The following STRBP variants were observed in gnomAD, a reference collection of about 807,000 sequenced individuals.
The protein encoded by STRBP is spermatid perinuclear RNA binding protein.
STRBP carries 13 observed loss-of-function variants against 80.1 expected under a neutral mutation model. That is an observed-to-expected ratio of 0.16 (90% CI 0.11 to 0.26). The LOEUF is 0.26. Ranked by LOEUF, STRBP falls within the 10% of genes least tolerant of loss-of-function variation. The probability of loss-of-function intolerance (pLI) is 1.00; values close to 1 mark genes in which losing one functional copy is unlikely to be tolerated. For missense variants in STRBP, 485 were observed against 815.2 expected, an observed-to-expected ratio of 0.59 and a Z score of 4.93; for synonymous variants, 284 against 291.2, an observed-to-expected ratio of 0.98 and a Z score of 0.25.
intron 17 of STRBP, among the ~76,000 whole-genome samples, chr9:123,129,201 C>CA (rs1179995535): frequency 1.3e-5 from 2 of 151,790 alleles, no homozygotes; most frequent in Non-Finnish European, 2.9e-5. Flanking sequence ...TACAGAAAAA[C>CA]AAAAAATTAG....
At chr9:123,230,649 T>C (rs769863068) in intron 2 of STRBP, among the ~76,000 whole-genome samples, 1 of 152,200 alleles carries the variant, frequency 6.6e-6, no homozygotes, top group African/African-American at 2.4e-5. Context: ...GTCTTTCATA[T>C]TTATTTTTCA....
At chr9:123,141,808 A>G (rs1484251968) in intron 13 of STRBP, among the ~76,000 whole-genome samples, 1 of 152,240 alleles carries the variant, frequency 6.6e-6, no homozygotes, top group African/African-American at 2.4e-5. Context: ...AGTGTAACCA[A>G]AAAATTCAAA....
chr9:123,182,876 G>A (rs2038538214), intron 3 of STRBP, among the ~76,000 whole-genome samples: 1 of 152,032 alleles, frequency 6.6e-6, no homozygotes, highest in Admixed American at 6.5e-5. Flanking sequence ...GCCAGATGTG[G>A]TGGCATGCGC....
chr9:123,258,206 C>T (rs1286836382), intron 1 of STRBP, among the ~76,000 whole-genome samples: 1 of 151,900 alleles, frequency 6.6e-6, no homozygotes, highest in Non-Finnish European at 1.5e-5. Context: ...AAAACAAAAC[C>T]AACAAAAATC....
chr9:123,216,040 G>A (rs1384454388), intron 2 of STRBP, among the ~76,000 whole-genome samples: 3 of 152,032 alleles, frequency 2.0e-5, no homozygotes, highest in Non-Finnish European at 4.4e-5. Context: ...TTTAACCCTT[G>A]GAATGAAATT....
At position 123,125,254 on chromosome 9, in the gene STRBP, G is replaced by C; in HGVS notation, c.*343C>G. 2.0e-6 allele frequency: 2 copies of C among 1,009,750 alleles called. No individual in the cohort carries two copies. The highest frequency in any genetic ancestry group is 8.9e-5 in the South Asian group (2 of 22,446). 62.5% of individuals were successfully genotyped at this position (1,009,750 alleles called of 1,614,324 possible). A position where few individuals can be genotyped will look rare whatever the true frequency, so the allele number is the denominator to read the frequency against. The stretch of plus-strand genomic sequence containing the variant: ...AGCAGTTTATTTGTGATCAGTGTTT[G>C]AGACTCTATACATCCTTCACAAATT... On this transcript the variant is annotated 3_prime_UTR_variant, in exon 19 of 19. Transcript: ENST00000348403.
At position 123,227,169 on chromosome 9, in the gene STRBP, A is replaced by G. The variant is rs535790821; in HGVS notation, c.-165+9661T>C. 4.6e-5 allele frequency among the ~76,000 whole-genome samples: 7 copies of G among 152,312 alleles called. No homozygotes were observed. The South Asian group carries it at 1.5e-3, about 32-fold the overall frequency. ...CCACGGCAATCATAAACATAAGTCA[A>G]TAATGTACTCAATCAATGTTAAATG... On this transcript the variant is annotated intron_variant, in intron 2 of 18. Coordinates refer to ENST00000348403, the MANE Select transcript of STRBP (RefSeq NM_018387.5).
chr9:123,188,050 G>A (rs2038772636), intron 2 of STRBP, among the ~76,000 whole-genome samples: 1 of 151,786 alleles, frequency 6.6e-6, no homozygotes, highest in Admixed American at 6.6e-5. Flanking sequence ...CAAGCCCTTA[G>A]TAACCACTAA....
chr9:123,158,937 T>A lies in STRBP; in HGVS notation c.835+159A>T, dbSNP rs76718726. 3.9e-5 allele frequency among the ~76,000 whole-genome samples: 6 copies of A among 152,310 alleles called. No individual in the cohort carries two copies. The East Asian group carries it at 9.6e-4, about 24-fold the overall frequency. On this transcript the variant is annotated intron_variant, in intron 9 of 18. Coordinates refer to ENST00000348403, the MANE Select transcript of STRBP (RefSeq NM_018387.5). ...TTATAATTATTGAAAAAGAGTTTTA[T>A]AGCACTTTTCCAACACGCATTCTAG...
chr9:123,188,138 C>A (rs956523182), intron 2 of STRBP, among the ~76,000 whole-genome samples: 1 of 152,042 alleles, frequency 6.6e-6, no homozygotes, highest in African/African-American at 2.4e-5. Context: ...CCTTTTGAGA[C>A]TAGCTTCTTT....
chr9:123,211,336 CTTCT>C (rs1416801676), intron 2 of STRBP, among the ~76,000 whole-genome samples: 8 of 151,988 alleles, frequency 5.3e-5, no homozygotes, highest in Admixed American at 3.9e-4. Context: ...AAAAGTATTC[CTTCT>C]AAGAATCCAT....
chr9:123,176,375 A>G (rs1449922545), intron 4 of STRBP, among the ~76,000 whole-genome samples: 2 of 152,218 alleles, frequency 1.3e-5, no homozygotes, highest in Non-Finnish European at 2.9e-5. Flanking sequence ...TGAAGAATAG[A>G]TGCTAAGAAA....
intron 1 of STRBP, among the ~76,000 whole-genome samples, chr9:123,243,554 C>T (rs1265945681): frequency 6.6e-6 from 1 of 152,078 alleles, no homozygotes; most frequent in Non-Finnish European, 1.5e-5. Context: ...AAAATAATTA[C>T]AAACCACATA....
intron 4 of STRBP, among the ~76,000 whole-genome samples, chr9:123,178,129 AG>A (rs1176094315): frequency 6.6e-6 from 1 of 152,236 alleles, no homozygotes; most frequent in Non-Finnish European, 1.5e-5. Context: ...AGATAAAAAA[AG>A]TTATACTATC....
intron 6 of STRBP, among the ~76,000 whole-genome samples, chr9:123,163,865 A>G (rs1468913182): frequency 6.6e-6 from 1 of 152,208 alleles, no homozygotes; most frequent in African/African-American, 2.4e-5. Context: ...GAGGAGGATC[A>G]AAACTTTCCT....
At chr9:123,181,742 G>C (rs558084976) in intron 3 of STRBP, among the ~76,000 whole-genome samples, 8 of 142,704 alleles carry the variant, frequency 5.6e-5, no homozygotes, top group Admixed American at 2.2e-4. Context: ...GGAGGTTGCA[G>C]TGAGCTGAGA....
At chr9:123,198,371 C>A (rs943859914) in intron 2 of STRBP, among the ~76,000 whole-genome samples, 1 of 152,222 alleles carries the variant, frequency 6.6e-6, no homozygotes, top group Non-Finnish European at 1.5e-5. Flanking sequence ...CTCCTGACAT[C>A]AGGTGATCCA....
intron 3 of STRBP, chr9:123,180,888 A>C: frequency 1.0e-6 from 1 of 973,054 alleles, no homozygotes; most frequent in Non-Finnish European, 1.2e-6. Flanking sequence ...ATGTTAGTAC[A>C]TGGTAAATAT....
intron 1 of STRBP, among the ~76,000 whole-genome samples, chr9:123,241,463 C>A (rs564417748): frequency 1.3e-5 from 2 of 151,916 alleles, no homozygotes; most frequent in Admixed American, 6.6e-5. Context: ...GAGCCGTGAT[C>A]GTGCCACTGC....
Sources: gnomAD v4.1 joint callset for allele counts (sites outside exome capture counted in the v4.1 genomes callset) on GRCh38, gnomAD v4.1.1 for gene constraint, MANE v1.5 for transcripts, NCBI Gene and HGNC (gene_info 2026-07-23, HGNC 2026-07-21) for gene names.